The following GALK2 variants were observed in gnomAD, a reference collection of about 807,000 sequenced individuals.
GALK2 encodes the protein galactokinase 2, also known as N-acetylgalactosamine kinase.
GALK2 carries 36 observed loss-of-function variants against 52.4 expected under a neutral mutation model. That is an observed-to-expected ratio of 0.69 (90% CI 0.53 to 0.91). GALK2 has a LOEUF of 0.91. GALK2 is among the 40% of genes least tolerant of loss of function. The pLI, the probability that GALK2 is intolerant of heterozygous loss-of-function variation, is 0.00. For missense variants in GALK2, 579 were observed against 559.1 expected, an observed-to-expected ratio of 1.04 and a Z score of -0.36; for synonymous variants, 176 against 199.1, an observed-to-expected ratio of 0.88 and a Z score of 0.98.
chr15:49,278,854 G>A (rs374110886), intron 5 of GALK2, among the ~76,000 whole-genome samples: 32 of 152,364 alleles, frequency 2.1e-4, no homozygotes, highest in African/African-American at 7.7e-4. Flanking sequence ...GGAAAGAGAT[G>A]TAATTGACTC....
At chr15:49,366,473 G>T in intron 3 of GALK2, 1 of 1,066,016 alleles carries the variant, frequency 9.4e-7, no homozygotes, top group Non-Finnish European at 1.5e-6. Context: ...GTTGCATAGT[G>T]GTGCGGAAGT....
chr15:49,358,273 A>G (rs1031546961), intron 3 of GALK2, among the ~76,000 whole-genome samples: 5 of 143,284 alleles, frequency 3.5e-5, no homozygotes, highest in Non-Finnish European at 7.7e-5. Flanking sequence ...AGGGTATTCA[A>G]TTAGGAAAAG....
intron 9 of GALK2, among the ~76,000 whole-genome samples, chr15:49,324,735 G>A (rs1167269726): frequency 6.6e-6 from 1 of 151,954 alleles, no homozygotes; most frequent in Non-Finnish European, 1.5e-5. Context: ...GTCTTCTCAA[G>A]TAAAAAAATA....
intron 1 of GALK2, among the ~76,000 whole-genome samples, chr15:49,165,169 A>C (rs2084780660): frequency 6.6e-6 from 1 of 152,208 alleles, no homozygotes; most frequent in African/African-American, 2.4e-5. Flanking sequence ...ATGGAATATG[A>C]ATTTTAGTGG....
At chr15:49,201,805 C>T (rs2087801446) in intron 2 of GALK2, among the ~76,000 whole-genome samples, 1 of 152,186 alleles carries the variant, frequency 6.6e-6, no homozygotes, top group Admixed American at 6.5e-5. Flanking sequence ...TGTACTTAGA[C>T]TACATACCAT....
chr15:49,199,605 T>G (rs1358792416), intron 1 of GALK2, among the ~76,000 whole-genome samples: 4 of 152,148 alleles, frequency 2.6e-5, no homozygotes, highest in Non-Finnish European at 5.9e-5. Context: ...ACAGATGAAT[T>G]TATCTTTCCT....
At chr15:49,365,782 A>G (rs2045061013) in intron 3 of GALK2, 3 of 853,418 alleles carry the variant, frequency 3.5e-6, no homozygotes, top group Non-Finnish European at 6.1e-6. Context: ...AGCCCAAACA[A>G]TAGCTATTGC....
In GALK2 at chr15:49,328,989, AGTTT is replaced by A. The variant is rs2038053756; in HGVS notation, c.*834_*837del. The stretch of plus-strand genomic sequence containing the variant: ...ATCTAGATGATAATTCAGATAATTC[AGTTT>A]GTTCATAGAATTACTTTCTTATCAC... On this transcript the variant is annotated 3_prime_UTR_variant, in exon 10 of 10. Coordinates refer to ENST00000560031, the MANE Select transcript of GALK2 (RefSeq NM_002044.4). 1.9e-6 allele frequency: 2 copies of A among 1,037,650 alleles called. No individual in the cohort carries two copies. Among genetic ancestry groups the A allele is most frequent in the Non-Finnish European group, 2.3e-6 (2 of 859,538 alleles). The allele number at this position is 1,037,650 out of a possible 1,614,324, so 64.3% of individuals were successfully genotyped here.
At position 49,281,260 on chromosome 15, in the gene GALK2, CAT is replaced by C. The variant is rs150176355; in HGVS notation, c.505-726_505-725del. Among the ~76,000 whole-genome samples, 938 of 152,316 alleles carry C rather than the reference CAT, an allele frequency of 6.2e-3. 18 individuals are homozygous for C. The highest frequency in any genetic ancestry group is 0.022 in the African/African-American group (896 of 41,558). ...AGGAAGTAATACCAAGTTGCATAAA[CAT>C]GTGTGAAGTGGTCAAAGAGACAAAT... On this transcript the variant is annotated intron_variant, in intron 5 of 9. Coordinates refer to ENST00000560031, the MANE Select transcript of GALK2 (RefSeq NM_002044.4).
chr15:49,284,592 A>G (rs147660220), intron 7 of GALK2, among the ~76,000 whole-genome samples: 1 of 152,324 alleles, frequency 6.6e-6, no homozygotes, highest in East Asian at 1.9e-4. Flanking sequence ...ATGGATACTG[A>G]TGGATATCAC....
intron 3 of GALK2, among the ~76,000 whole-genome samples, chr15:49,339,529 G>A (rs928730759): frequency 2.0e-5 from 3 of 152,172 alleles, no homozygotes; most frequent in African/African-American, 7.2e-5. Context: ...CCAGATGCCA[G>A]CCAGAGCTCT....
upstream of GALK2, among the ~76,000 whole-genome samples, chr15:49,168,303 C>T (rs1210171418): frequency 6.6e-6 from 1 of 152,134 alleles, no homozygotes; most frequent in African/African-American, 2.4e-5. Context: ...ACAGTTTCTA[C>T]AGTCATTTTT....
At chr15:49,262,004 T>C in intron 5 of GALK2, among the ~76,000 whole-genome samples, 1 of 152,182 alleles carries the variant, frequency 6.6e-6, no homozygotes, top group Non-Finnish European at 1.5e-5. Context: ...ATCAATGTTC[T>C]TCAAGGATAT....
chr15:49,328,440 T>C lies in GALK2; in HGVS notation c.*281T>C. 6.9e-7 allele frequency: 1 copy of C among 1,455,718 alleles called. No individual in the cohort carries two copies. Among genetic ancestry groups the C allele is most frequent in the Non-Finnish European group, 9.0e-7 (1 of 1,105,024 alleles). The allele number at this position is 1,455,718 out of a possible 1,614,324, so 90.2% of individuals were successfully genotyped here. On this transcript the variant is annotated 3_prime_UTR_variant, in exon 10 of 10. Coordinates refer to ENST00000560031, the MANE Select transcript of GALK2 (RefSeq NM_002044.4). ...TTTATTGATTTGAAGATTTTAAAGA[T>C]GAATGGTAAAACACACTCTTAATAC... is the stretch of plus-strand genomic sequence containing the variant.
In GALK2 at chr15:49,171,095, T is replaced by TTTC. The variant is rs1566899671; in HGVS notation, c.53+722_53+723insCTT. On this transcript the variant is annotated intron_variant, in intron 1 of 9. Coordinates refer to ENST00000560031, the MANE Select transcript of GALK2 (RefSeq NM_002044.4). ...CTTTTTCTTTTTCTTTTTTTTTTTT[T>TTTC]TTTTGAGACGGAGTTTTGCTCTTGT... Among the ~76,000 whole-genome samples, 809 of 149,278 alleles carry TTTC rather than the reference T, an allele frequency of 5.4e-3. 8 individuals are homozygous for TTTC. Among genetic ancestry groups the TTTC allele is most frequent in the African/African-American group, 0.019 (769 of 39,976 alleles).
intron 5 of GALK2, among the ~76,000 whole-genome samples, chr15:49,262,108 T>C (rs2092140578): frequency 6.6e-6 from 1 of 152,138 alleles, no homozygotes. Context: ...GGATTCCCTC[T>C]TTTTCTATTG....
chr15:49,358,960 CA>C (rs1386018483), intron 3 of GALK2, among the ~76,000 whole-genome samples: 1 of 148,630 alleles, frequency 6.7e-6, no homozygotes, highest in Non-Finnish European at 1.5e-5. Flanking sequence ...TGATCTTTGA[CA>C]AACCTGAGAA....
At chr15:49,223,615 C>T (rs1297921764) in intron 3 of GALK2, among the ~76,000 whole-genome samples, 1 of 152,124 alleles carries the variant, frequency 6.6e-6, no homozygotes, top group Non-Finnish European at 1.5e-5. Flanking sequence ...ATTTAGCTCC[C>T]ACTTATAAGT....
intron 5 of GALK2, among the ~76,000 whole-genome samples, chr15:49,274,830 A>G (rs1012270436): frequency 3.3e-5 from 5 of 152,068 alleles, no homozygotes; most frequent in Non-Finnish European, 5.9e-5. Flanking sequence ...CATCAATATC[A>G]CTGTGTTCCA....
Sources: allele counts gnomAD v4.1 joint callset (sites outside exome capture counted in the v4.1 genomes callset), GRCh38; gene constraint gnomAD v4.1.1; transcripts MANE v1.5; gene names NCBI Gene and HGNC (gene_info 2026-07-23, HGNC 2026-07-21).